BTNL8: variants seen among roughly 807,000 people sequenced by gnomAD.
BTNL8 encodes butyrophilin-like protein 8.
BTNL8 carries 22 observed loss-of-function variants against 36.1 expected under a neutral mutation model. The observed-to-expected ratio is 0.61, with a 90% confidence interval of 0.44 to 0.87. The LOEUF (loss-of-function observed/expected upper bound fraction) is 0.87, where lower values mean the gene tolerates loss of function less well. BTNL8 is among the 40% of genes least tolerant of loss of function. The pLI is 0.00. For missense variants in BTNL8, 526 were observed against 616.9 expected (o/e 0.85, Z 1.56); for synonymous variants, 203 against 235.6 (o/e 0.86, Z 1.27).
intron 1 of BTNL8, among the ~76,000 whole-genome samples, chr5:180,900,333 T>C (rs960136466): frequency 1.3e-5 from 2 of 152,246 alleles, no homozygotes; most frequent in Non-Finnish European, 2.9e-5. Flanking sequence ...GGTGTTGGTT[T>C]GCTTATGATG....
chr5:180,906,045 G>A (rs1757066713), intron 1 of BTNL8, among the ~76,000 whole-genome samples: 1 of 144,084 alleles, frequency 6.9e-6, no homozygotes, highest in Non-Finnish European at 1.5e-5. Context: ...GGTCCGCTTG[G>A]TGCAGAGCTG....
chr5:180,942,844 C>T (rs1759050416), intron 3 of BTNL8, among the ~76,000 whole-genome samples: 1 of 151,946 alleles, frequency 6.6e-6, no homozygotes, highest in African/African-American at 2.4e-5. Flanking sequence ...TAGAAGAAAA[C>T]ATAGGAAAAA....
intron 3 of BTNL8, among the ~76,000 whole-genome samples, chr5:180,937,022 A>G (rs1327444066): frequency 6.6e-6 from 1 of 152,142 alleles, no homozygotes; most frequent in Non-Finnish European, 1.5e-5. Flanking sequence ...ACCTGCTGCC[A>G]TGACTTCATA....
At chr5:180,901,831 G>T (rs534178801) in intron 1 of BTNL8, among the ~76,000 whole-genome samples, 2 of 152,288 alleles carry the variant, frequency 1.3e-5, no homozygotes, top group African/African-American at 4.8e-5. Flanking sequence ...TACTACACAA[G>T]CGTAAAAGGC....
chr5:180,930,493 T>G (rs1758319686), intron 3 of BTNL8, among the ~76,000 whole-genome samples: 1 of 152,168 alleles, frequency 6.6e-6, no homozygotes, highest in African/African-American at 2.4e-5. Context: ...TAAAGGGTAT[T>G]CAAATAGGAA....
At chr5:180,928,459 T>C (rs545924795) in intron 3 of BTNL8, among the ~76,000 whole-genome samples, 1 of 152,246 alleles carries the variant, frequency 6.6e-6, no homozygotes, top group African/African-American at 2.4e-5. Flanking sequence ...AATTCACACA[T>C]AACAATATTA....
chr5:180,905,801 G>T (rs1416867604), intron 1 of BTNL8, among the ~76,000 whole-genome samples: 1 of 150,784 alleles, frequency 6.6e-6, no homozygotes, highest in Non-Finnish European at 1.5e-5. Flanking sequence ...AGTCATTCAG[G>T]AGCAGGTTGT....
At chr5:180,934,012 G>C (rs1758522745) in intron 3 of BTNL8, among the ~76,000 whole-genome samples, 3 of 151,760 alleles carry the variant, frequency 2.0e-5, no homozygotes, top group Admixed American at 6.6e-5. Flanking sequence ...CAATATTCCT[G>C]ATGAAAATAG....
At chr5:180,947,826 A>G in intron 4 of BTNL8, 5 of 1,536,262 alleles carry the variant, frequency 3.3e-6, no homozygotes, top group South Asian at 1.2e-5. Context: ...GCCCCTTGCT[A>G]CTTCATTTAG....
At chr5:180,941,971 A>G (rs1180381137) in intron 3 of BTNL8, among the ~76,000 whole-genome samples, 1 of 144,400 alleles carries the variant, frequency 6.9e-6, no homozygotes, top group African/African-American at 2.7e-5. Context: ...CAAAAAATAA[A>G]TGGCATCTAA....
At chr5:180,920,870 T>C (rs1757833753) in intron 3 of BTNL8, among the ~76,000 whole-genome samples, 1 of 151,976 alleles carries the variant, frequency 6.6e-6, no homozygotes, top group South Asian at 2.1e-4. Flanking sequence ...ATCAGGGAAA[T>C]TCAATCAAAA....
chr5:180,926,286 C>A, intron 3 of BTNL8, among the ~76,000 whole-genome samples: 1 of 152,222 alleles, frequency 6.6e-6, no homozygotes, highest in African/African-American at 2.4e-5. Flanking sequence ...GAATGGTGCA[C>A]TACAACCCAG....
At position 180,906,720 on chromosome 5, in the gene BTNL8, G is replaced by A. The variant is rs1457124938; in HGVS notation, c.50-1866G>A. Among the ~76,000 whole-genome samples the A allele has an allele frequency of 2.7e-5, 3 of 110,750 alleles. 1 individual carries two copies. The highest frequency in any genetic ancestry group is 5.3e-5 in the Non-Finnish European group (3 of 56,964). 72.7% of individuals were successfully genotyped at this position (110,750 alleles called of 152,430 possible). On this transcript the variant is annotated intron_variant, in intron 1 of 7. Coordinates refer to ENST00000340184, the MANE Select transcript of BTNL8 (RefSeq NM_001040462.3). ...GGAGCTCTTGTAAGGCAGGCCTGGT[G>A]GTGACAAAATCTCTCAGCATTTGCT... is the stretch of plus-strand genomic sequence containing the variant.
intron 2 of BTNL8, among the ~76,000 whole-genome samples, chr5:180,910,845 C>T (rs1359324880): frequency 2.0e-5 from 3 of 152,180 alleles, no homozygotes; most frequent in Admixed American, 6.5e-5. Context: ...TTGTTCAGCA[C>T]TCCATCACTA....
chr5:180,903,465 T>G (rs1303815127), intron 1 of BTNL8, among the ~76,000 whole-genome samples: 8 of 97,426 alleles, frequency 8.2e-5, no homozygotes, highest in Admixed American at 1.1e-4. Context: ...TTTCTCCCAT[T>G]TTGTAGGTTG....
intron 3 of BTNL8, among the ~76,000 whole-genome samples, chr5:180,930,506 G>C (rs867807485): frequency 3.3e-5 from 5 of 152,200 alleles, no homozygotes; most frequent in African/African-American, 4.8e-5. Flanking sequence ...AATAGGAAGA[G>C]AGGAAGTCAA....
chr5:180,946,510 A>G (rs558764789), intron 3 of BTNL8, among the ~76,000 whole-genome samples: 21 of 152,336 alleles, frequency 1.4e-4, no homozygotes, highest in African/African-American at 4.8e-4. Flanking sequence ...AAATAAGCCA[A>G]GCACAGAAAG....
At chr5:180,912,749 C>T (rs1352857691) in intron 3 of BTNL8, among the ~76,000 whole-genome samples, 1 of 152,150 alleles carries the variant, frequency 6.6e-6, no homozygotes, top group African/African-American at 2.4e-5. Flanking sequence ...TCTAGCAATA[C>T]AGATATGCAA....
intron 1 of BTNL8, among the ~76,000 whole-genome samples, chr5:180,899,883 G>T (rs565487917): frequency 6.6e-6 from 1 of 152,308 alleles, no homozygotes; most frequent in Admixed American, 6.5e-5. Context: ...TGTTAACACA[G>T]AACCTAGTAT....
Sources: allele counts gnomAD v4.1 joint callset (sites outside exome capture counted in the v4.1 genomes callset), GRCh38; gene constraint gnomAD v4.1.1; transcripts MANE v1.5; gene names NCBI Gene and HGNC (gene_info 2026-07-23, HGNC 2026-07-21).